UBA6: variants seen among roughly 807,000 people sequenced by gnomAD.
UBA6 encodes the protein ubiquitin-like modifier-activating enzyme 6.
In UBA6, 87 loss-of-function variants were observed where a neutral mutation model predicts 148.3. The observed-to-expected ratio is 0.59, with a 90% CI of 0.49 to 0.70. The LOEUF (loss-of-function observed/expected upper bound fraction) is 0.70, where lower values mean the gene tolerates loss of function less well. Ranked by LOEUF, UBA6 falls within the 30% of genes least tolerant of loss-of-function variation. The probability of loss-of-function intolerance (pLI) is 0.00; values close to 1 mark genes in which losing one functional copy is unlikely to be tolerated. For missense variants in UBA6, 1,186 were observed against 1,241.2 expected, an observed-to-expected ratio of 0.96 and a Z score of 0.67; for synonymous variants, 376 against 401.0, an observed-to-expected ratio of 0.94 and a Z score of 0.75.
chr4:67,662,591 G>A (rs988092582), intron 12 of UBA6: 5 of 214,206 alleles, frequency 2.3e-5, no homozygotes, highest in African/African-American at 1.1e-4. Context: ...AGCCTCCCAA[G>A]GAGCTGGGAT....
At chr4:67,680,982 T>G (rs1730420761) in intron 4 of UBA6, among the ~76,000 whole-genome samples, 1 of 152,180 alleles carries the variant, frequency 6.6e-6, no homozygotes, top group Admixed American at 6.5e-5. Flanking sequence ...TTCCCCAGTC[T>G]AGCCTCAAGA....
At chr4:67,636,543 C>T (rs193137251) in intron 19 of UBA6, among the ~76,000 whole-genome samples, 73 of 152,296 alleles carry the variant, frequency 4.8e-4, no homozygotes, top group African/African-American at 1.1e-3. Context: ...AGGCGCGCAC[C>T]GCCACGCCTG....
chr4:67,657,201 C>T (rs750359799), intron 13 of UBA6, among the ~76,000 whole-genome samples: 7 of 152,170 alleles, frequency 4.6e-5, no homozygotes, highest in Non-Finnish European at 7.4e-5. Flanking sequence ...TCATATGGAA[C>T]CACAAAAGAG....
chr4:67,641,111 A>G, intron 18 of UBA6, 40 bp downstream of exon 18: 2 of 1,248,446 alleles, frequency 1.6e-6, no homozygotes, highest in South Asian at 1.4e-5. Flanking sequence ...TCTTTTTTGT[A>G]TAATACATGA....
chr4:67,646,645 AT>A (rs1300886065), intron 15 of UBA6, 78 bp downstream of exon 15: 1 of 1,061,120 alleles, frequency 9.4e-7, no homozygotes, highest in East Asian at 2.6e-5. Flanking sequence ...GAAAAGACAC[AT>A]AAAACAAAGG....
At position 67,644,778 on chromosome 4, in the gene UBA6, C is replaced by A. The variant is rs373212187; in HGVS notation, c.1396G>T (p.Val466Leu). The A allele has an allele frequency of 1.3e-5, 21 of 1,589,368 alleles. No homozygotes were observed. The highest frequency in any genetic ancestry group is 8.1e-5 in the African/African-American group (6 of 74,334). The change falls in exon 17 of 33, where the codon GTA (valine) becomes TTA (leucine). Residue 466 changes from valine to leucine, a missense_variant and splice_region_variant. By Grantham distance (32) the Val-to-Leu change is conservative. Transcript: ENST00000322244. ...QKLQNLNIFLVGCGAIGCEML... is the reference protein window; with the variant it reads ...QKLQNLNIFLLGCGAIGCEML... The stretch of plus-strand genomic sequence containing the variant: ...TCACAGCCTATGGCTCCACACCCTA[C>A]CTATGGAGGAGAAAAATGGTATATA...
At chr4:67,693,909 C>T (rs9994341) in intron 2 of UBA6, among the ~76,000 whole-genome samples, 1,748 of 152,056 alleles carry the variant, frequency 0.011, 41 homozygotes, top group African/African-American at 0.04. Context: ...GCAACAGATA[C>T]AGATTTTTAA....
intron 29 of UBA6, among the ~76,000 whole-genome samples, chr4:67,624,627 A>G (rs1728824381): frequency 6.6e-6 from 1 of 152,096 alleles, no homozygotes; most frequent in Non-Finnish European, 1.5e-5. Flanking sequence ...ATATGGTATA[A>G]TAACTAGGGC....
chr4:67,684,806 C>G (rs1392038970), intron 2 of UBA6, among the ~76,000 whole-genome samples: 1 of 152,122 alleles, frequency 6.6e-6, no homozygotes, highest in Admixed American at 6.5e-5. Flanking sequence ...TGAACTGTGC[C>G]TGGCATGTAA....
intron 19 of UBA6, among the ~76,000 whole-genome samples, chr4:67,637,224 G>T (rs1445151199): frequency 1.3e-5 from 2 of 150,810 alleles, no homozygotes; most frequent in African/African-American, 4.9e-5. Context: ...GGAGGGAGGT[G>T]GGGGGCAGCA....
intron 2 of UBA6, among the ~76,000 whole-genome samples, chr4:67,695,479 C>T (rs909402575): frequency 2.0e-5 from 3 of 152,196 alleles, no homozygotes; most frequent in African/African-American, 7.2e-5. Context: ...CTACTCTTAT[C>T]CTTAGGTCAC....
In UBA6 at chr4:67,677,674, A is replaced by G. The variant is rs368066944; in HGVS notation, c.402T>C (p.His134=). Residue 134 remains histidine, a synonymous_variant, in exon 6 of 33, where the codon CAT becomes CAC. Coordinates refer to ENST00000322244, the MANE Select transcript of UBA6 (RefSeq NM_018227.6). The part of the protein sequence containing the change: ...KHIAELNPYV[H]VTSSSVPFNE... ...TGAAAGGAACAGAAGATGATGTGAC[A>G]TGAACGTATGGATTTAGTTCTGCAA... 1.4e-5 allele frequency: 23 copies of G among 1,608,708 alleles called. No homozygotes were observed. The highest frequency in any genetic ancestry group is 5.3e-5 in the African/African-American group (4 of 74,872).
chr4:67,639,256 G>T, intron 18 of UBA6, 132 bp from the exon 19 acceptor site: 1 of 618,826 alleles, frequency 1.6e-6, no homozygotes, highest in Admixed American at 3.2e-5. Context: ...AGAGTAATGA[G>T]ACCAGTTTTC....
rs760777995 is a variant in UBA6 at position 67,619,062 on chromosome 4, T to C, written c.3094A>G (p.Ile1032Val). 6.2e-7 allele frequency: 1 copy of C among 1,613,322 alleles called. No homozygotes were observed. The highest frequency in any genetic ancestry group is 8.5e-7 in the Non-Finnish European group (1 of 1,179,318). ...VDLTVSFAPD[I>V]DGDEDLPGPP... ...CCCGGCAAATCTTCATCTCCATCAA[T>C]GTCTGGAGCAAATGACACAGTAAGA... is the stretch of plus-strand genomic sequence containing the variant. Residue 1032 changes from isoleucine to valine, a missense_variant, in exon 33 of 33, where the codon ATT becomes GTT. Ile to Val is a conservative substitution (Grantham distance 29). Transcript: ENST00000322244.
intron 30 of UBA6, among the ~76,000 whole-genome samples, chr4:67,623,742 T>C (rs1213576652): frequency 6.6e-6 from 1 of 152,140 alleles, no homozygotes; most frequent in African/African-American, 2.4e-5. Context: ...AGGTAGGTTT[T>C]TTTTCAAGTT....
chr4:67,634,660 C>A, intron 20 of UBA6, 142 bp from the exon 21 acceptor site: 1 of 543,418 alleles, frequency 1.8e-6, no homozygotes, highest in South Asian at 3.5e-5. Context: ...TCTTCTCTCT[C>A]TTAGGCAATA....
chr4:67,684,976 G>A lies in UBA6; in HGVS notation c.135-2763C>T, dbSNP rs147509705. ...CACCTAGAATTAAGTAAGTAGTGGA[G>A]GTTAAGAGTCAATCCAGGCAGTCTA... On this transcript the variant is annotated intron_variant, in intron 2 of 32. Coordinates refer to ENST00000322244, the MANE Select transcript of UBA6 (RefSeq NM_018227.6). 7.4e-3 allele frequency among the ~76,000 whole-genome samples: 1,119 copies of A among 152,206 alleles called. 9 individuals are homozygous for A. The highest frequency in any genetic ancestry group is 0.013 in the Non-Finnish European group (870 of 68,010).
chr4:67,620,346 C>T (rs1407315038), intron 32 of UBA6, among the ~76,000 whole-genome samples: 1 of 152,196 alleles, frequency 6.6e-6, no homozygotes, highest in Non-Finnish European at 1.5e-5. Context: ...AATAATCCTT[C>T]TTCAAAGGTA....
At chr4:67,687,259 C>G (rs968796767) in intron 2 of UBA6, among the ~76,000 whole-genome samples, 7 of 152,038 alleles carry the variant, frequency 4.6e-5, no homozygotes, top group African/African-American at 1.7e-4. Context: ...TGGTCTCAAA[C>G]TCCTGACCTT....
Sources: allele counts gnomAD v4.1 joint callset (sites outside exome capture counted in the v4.1 genomes callset), GRCh38; gene constraint gnomAD v4.1.1; transcripts MANE v1.5; gene names NCBI Gene and HGNC (gene_info 2026-07-23, HGNC 2026-07-21).